The following PGP variants were observed in gnomAD, a reference collection of about 807,000 sequenced individuals.
The protein encoded by PGP is aspartate-based ubiquitous Mg(2+)-dependent phosphatase.
In PGP, 9 loss-of-function variants were observed where a neutral mutation model predicts 19.3. That is an observed-to-expected ratio of 0.47 (90% confidence interval 0.28 to 0.81). The LOEUF (loss-of-function observed/expected upper bound fraction) is 0.81. Ranked by LOEUF, PGP falls within the 40% of genes least tolerant of loss-of-function variation. The pLI is 0.11. For missense variants in PGP, 403 were observed against 479.9 expected (o/e 0.84, Z 1.50); for synonymous variants, 308 against 226.8 (o/e 1.36, Z -3.22).
At position 2,211,731 on chromosome 16, in the gene PGP, G is replaced by T; in HGVS notation, c.*1997C>A. 2.0e-6 allele frequency: 2 copies of T among 985,526 alleles called. No homozygotes were observed. The highest frequency in any genetic ancestry group is 2.4e-6 in the Non-Finnish European group (2 of 829,988). 61.0% of individuals were successfully genotyped at this position (985,526 alleles called of 1,614,324 possible). A position where few individuals can be genotyped will look rare whatever the true frequency, so the allele number is the denominator to read the frequency against. ...CTGCGCCCGGGCCAGCATTACTTCTGAGCTCTGCTCCCTGCCCTGGGCGCT... is the reference window on the plus strand; with the variant it reads ...CTGCGCCCGGGCCAGCATTACTTCTTAGCTCTGCTCCCTGCCCTGGGCGCT... On this transcript the variant is annotated 3_prime_UTR_variant, in exon 2 of 2. Coordinates refer to ENST00000333503, the MANE Select transcript of PGP (RefSeq NM_001042371.3).
chr16:2,212,164 C>T lies in PGP; in HGVS notation c.*1564G>A, dbSNP rs546835026. On this transcript the variant is annotated 3_prime_UTR_variant, in exon 2 of 2. Transcript: ENST00000333503. Reference sequence around the variant, plus strand: ...TGACTGCACCCTGTCAGGCCAGACCCGGCTTGAGCCAACTTAGCCAAGCCA... The same window carrying T: ...TGACTGCACCCTGTCAGGCCAGACCTGGCTTGAGCCAACTTAGCCAAGCCA... 52 of 985,732 alleles carry T rather than the reference C, an allele frequency of 5.3e-5. No individual in the cohort carries two copies. Among genetic ancestry groups the T allele is most frequent in the Admixed American group, 4.3e-4 (7 of 16,296 alleles). The allele number at this position is 985,732 out of a possible 1,614,324, so 61.1% of individuals were successfully genotyped here.
chr16:2,211,853 T>C lies in PGP; in HGVS notation c.*1875A>G. Reference sequence around the variant, plus strand: ...CCTCATTCTTCAAAACATCTTCCTCTGAACCAGGCTGGGAGTGGGCAGTTG... The same window carrying C: ...CCTCATTCTTCAAAACATCTTCCTCCGAACCAGGCTGGGAGTGGGCAGTTG... On this transcript the variant is annotated 3_prime_UTR_variant, in exon 2 of 2. Transcript: ENST00000333503. 1 of 985,558 alleles carries C rather than the reference T, an allele frequency of 1.0e-6. No homozygotes were observed. Among genetic ancestry groups the C allele is most frequent in the Non-Finnish European group, 1.2e-6 (1 of 829,974 alleles). 61.1% of individuals were successfully genotyped at this position (985,558 alleles called of 1,614,324 possible).
In PGP at chr16:2,213,988, G is replaced by C. The variant is rs2093381787; in HGVS notation, c.706C>G (p.Pro236Ala). The change falls in exon 2 of 2, where the codon CCC becomes GCC. Residue 236 changes from proline to alanine, a missense_variant. Transcript: ENST00000333503. The stretch of plus-strand genomic sequence containing the variant: ...ACGCAGTCGAAAATGAAGCGGCTGG[G>C]CTTCCCGATGATGTCGGCCTGGCGC... ...AQRQADIIGK[P>A]SRFIFDCVSQ... 6.2e-7 allele frequency: 1 copy of C among 1,608,876 alleles called. No homozygotes were observed. Among genetic ancestry groups the C allele is most frequent in the Non-Finnish European group, 8.5e-7 (1 of 1,176,862 alleles).
At position 2,213,874 on chromosome 16, in the gene PGP, G is replaced by T; in HGVS notation, c.820C>A (p.Leu274Met). The T allele has an allele frequency of 6.2e-7, 1 of 1,613,174 alleles. No homozygotes were observed. The highest frequency in any genetic ancestry group is 8.5e-7 in the Non-Finnish European group (1 of 1,179,406). The part of the protein sequence containing the change: ...TDILLGATCG[L>M]KTILTLTGVS... ...CCGGTGAGGGTCAGGATGGTCTTCA[G>T]GCCACAGGTGGCGCCTAGGAGGATG... is the stretch of plus-strand genomic sequence containing the variant. Residue 274 changes from leucine to methionine, a missense_variant, in exon 2 of 2, where the codon CTG becomes ATG. By Grantham distance (15) the Leu-to-Met change is conservative (BLOSUM62 2). Coordinates refer to ENST00000333503, the MANE Select transcript of PGP (RefSeq NM_001042371.3).
Position 2,213,726 on chromosome 16 carries a change from C to G in PGP, c.*2G>C, listed in dbSNP as rs770309983. Reference sequence around the variant, plus strand: ...ATTCTGCAGATTAAAGACACTCAATCTTTAACCTTGAAGGGCAGGCAAAAG... The same window carrying G: ...ATTCTGCAGATTAAAGACACTCAATGTTTAACCTTGAAGGGCAGGCAAAAG... On this transcript the variant is annotated 3_prime_UTR_variant, in exon 2 of 2. Coordinates refer to ENST00000333503, the MANE Select transcript of PGP (RefSeq NM_001042371.3). 108 of 1,519,412 alleles carry G rather than the reference C, an allele frequency of 7.1e-5. No homozygotes were observed. Among genetic ancestry groups the G allele is most frequent in the Non-Finnish European group, 9.0e-5 (102 of 1,132,426 alleles). The allele number at this position is 1,519,412 out of a possible 1,614,324, so 94.1% of individuals were successfully genotyped here.
rs116977380 is a variant in PGP at position 2,213,835 on chromosome 16, C to T, written c.859G>A (p.Gly287Arg). 0.034 allele frequency: 54,207 copies of T among 1,611,694 alleles called. 1,145 individuals are homozygous for T. Among genetic ancestry groups the T allele is most frequent in the Non-Finnish European group, 0.039 (45,408 of 1,178,168 alleles). ...CTTTCCTGATTATTCTTCACATCCC[C>T]TAGAGTGGAGACTCCGGTGAGGGTC... ...ILTLTGVSTL[G>R]DVKNNQESDC... Residue 287 changes from glycine to arginine, a missense_variant, in exon 2 of 2, where the codon GGG becomes AGG. Physicochemically the swap from Gly to Arg is moderately radical, Grantham distance 125. Coordinates refer to ENST00000333503, the MANE Select transcript of PGP (RefSeq NM_001042371.3).
Position 2,213,106 on chromosome 16 carries a change from A to G in PGP, c.*622T>C, listed in dbSNP as rs2093379488. On this transcript the variant is annotated 3_prime_UTR_variant, in exon 2 of 2. Transcript: ENST00000333503. Reference sequence around the variant, plus strand: ...GCCCTGGGTATCTGAAACGGAACAGACACTCAGTTGTGACATCAGAGTGGT... The same window carrying G: ...GCCCTGGGTATCTGAAACGGAACAGGCACTCAGTTGTGACATCAGAGTGGT... The G allele has an allele frequency of 6.1e-6, 6 of 985,552 alleles. No homozygotes were observed. Among genetic ancestry groups the G allele is most frequent in the Non-Finnish European group, 6.0e-6 (5 of 829,964 alleles). 61.1% of individuals were successfully genotyped at this position (985,552 alleles called of 1,614,324 possible).
Position 2,212,221 on chromosome 16 carries a change from C to T in PGP, c.*1507G>A, listed in dbSNP as rs1398543861. The T allele has an allele frequency of 1.0e-6, 1 of 985,750 alleles. No homozygotes were observed. The highest frequency in any genetic ancestry group is 1.2e-6 in the Non-Finnish European group (1 of 830,028). 61.1% of individuals were successfully genotyped at this position (985,750 alleles called of 1,614,324 possible). On this transcript the variant is annotated 3_prime_UTR_variant, in exon 2 of 2. Coordinates refer to ENST00000333503, the MANE Select transcript of PGP (RefSeq NM_001042371.3). ...GTGTCACCAGCCTCATGGGTGGAGC[C>T]ACCCTCATGCTGCTCTGCAGCACCC...
chr16:2,212,453 G>A lies in PGP; in HGVS notation c.*1275C>T. The stretch of plus-strand genomic sequence containing the variant: ...TGAGTCTGCTGTCAGGCCTGTGAAA[G>A]GTCAGCAGAGCCAAGGAGCAGGCAG... On this transcript the variant is annotated 3_prime_UTR_variant, in exon 2 of 2. Coordinates refer to ENST00000333503, the MANE Select transcript of PGP (RefSeq NM_001042371.3). 1 of 985,742 alleles carries A rather than the reference G, an allele frequency of 1.0e-6. No homozygotes were observed. The highest frequency in any genetic ancestry group is 1.2e-6 in the Non-Finnish European group (1 of 830,032). 61.1% of individuals were successfully genotyped at this position (985,742 alleles called of 1,614,324 possible).
chr16:2,212,130 C>T lies in PGP; in HGVS notation c.*1598G>A. On this transcript the variant is annotated 3_prime_UTR_variant, in exon 2 of 2. Transcript: ENST00000333503. Reference sequence around the variant, plus strand: ...TCACTGAGGCTGCATCTGCCATGCGCTCCTGGTGTGACTGCACCCTGTCAG... The same window carrying T: ...TCACTGAGGCTGCATCTGCCATGCGTTCCTGGTGTGACTGCACCCTGTCAG... The T allele has an allele frequency of 1.0e-6, 1 of 985,660 alleles. No individual in the cohort carries two copies. The highest frequency in any genetic ancestry group is 1.2e-6 in the Non-Finnish European group (1 of 829,950). The allele number at this position is 985,660 out of a possible 1,614,324, so 61.1% of individuals were successfully genotyped here.
chr16:2,214,694 C>T lies in PGP; in HGVS notation c.84G>A (p.Val28=), dbSNP rs1372187749. The change falls in exon 1 of 2, where the codon GTG becomes GTA. Residue 28 remains valine, a synonymous_variant. Transcript: ENST00000333503. This position sits in a 1 kb window ranked among gnomAD's most constrained non-coding sequence, Gnocchi z 7.1. ...AERAQALLAD[V]DTLLFDCDGV... ...CGTCGCAGTCGAACAGCAGCGTGTCCACGTCGGCCAGCAGCGCCTGTGCCC... is the reference window on the plus strand; with the variant it reads ...CGTCGCAGTCGAACAGCAGCGTGTCTACGTCGGCCAGCAGCGCCTGTGCCC... 7.1e-7 allele frequency: 1 copy of T among 1,408,060 alleles called. No homozygotes were observed. The highest frequency in any genetic ancestry group is 2.7e-5 in the Admixed American group (1 of 37,116). 87.2% of individuals were successfully genotyped at this position (1,408,060 alleles called of 1,614,324 possible).
Position 2,214,569 on chromosome 16 carries a change from CTGT to C in PGP, c.206_208del (p.Asn69del). 1 of 1,471,836 alleles carries C rather than the reference CTGT, an allele frequency of 6.8e-7. No individual in the cohort carries two copies. The highest frequency in any genetic ancestry group is 9.0e-7 in the Non-Finnish European group (1 of 1,115,692). 91.2% of individuals were successfully genotyped at this position (1,471,836 alleles called of 1,614,324 possible). On this transcript the variant is annotated inframe_deletion, in exon 1 of 2. Coordinates refer to ENST00000333503, the MANE Select transcript of PGP (RefSeq NM_001042371.3). The surrounding 1 kb of genome is among the most constrained non-coding windows in gnomAD (Gnocchi z 7.1). ...GGCGTAGGCAGCGCGGGTCTTGCTG[CTGT>C]TGTTGGTGATGAAGCCCAGGCGCTT...
chr16:2,211,965 G>A lies in PGP; in HGVS notation c.*1763C>T, dbSNP rs749012193. 6.1e-6 allele frequency: 6 copies of A among 985,460 alleles called. No homozygotes were observed. The highest frequency in any genetic ancestry group is 4.7e-5 in the South Asian group (1 of 21,300). The allele number at this position is 985,460 out of a possible 1,614,324, so 61.0% of individuals were successfully genotyped here. On this transcript the variant is annotated 3_prime_UTR_variant, in exon 2 of 2. Coordinates refer to ENST00000333503, the MANE Select transcript of PGP (RefSeq NM_001042371.3). ...GTGAGACGGCATCACCCGGGCCAAT[G>A]CAAGGTGAGAGCAAGGACACCTGAG...
rs2093376269 is a variant in PGP at position 2,211,887 on chromosome 16, G to C, written c.*1841C>G. The C allele has an allele frequency of 2.0e-6, 2 of 985,488 alleles. No individual in the cohort carries two copies. Among genetic ancestry groups the C allele is most frequent in the Non-Finnish European group, 2.4e-6 (2 of 829,962 alleles). 61.0% of individuals were successfully genotyped at this position (985,488 alleles called of 1,614,324 possible). ...CTGGGAGTGGGCAGTTGGCATTCCA[G>C]CTCTGGAGTTGGAACCCCAGTTACC... On this transcript the variant is annotated 3_prime_UTR_variant, in exon 2 of 2. Coordinates refer to ENST00000333503, the MANE Select transcript of PGP (RefSeq NM_001042371.3).
At position 2,214,764 on chromosome 16, in the gene PGP, T is replaced by G. The variant is rs1344237746; in HGVS notation, c.14A>C (p.Glu5Ala). 6.2e-6 allele frequency: 7 copies of G among 1,126,832 alleles called. No individual in the cohort carries two copies. Among genetic ancestry groups the G allele is most frequent in the East Asian group, 4.3e-5 (1 of 23,038 alleles). 69.8% of individuals were successfully genotyped at this position (1,126,832 alleles called of 1,614,324 possible). A position where few individuals can be genotyped will look rare whatever the true frequency, so the allele number is the denominator to read the frequency against. Residue 5 changes from glutamate to alanine, a missense_variant, in exon 1 of 2, where the codon GAG (glutamate) becomes GCG (alanine). Transcript: ENST00000333503. This position sits in a 1 kb window ranked among gnomAD's most constrained non-coding sequence, Gnocchi z 7.1. MAAA[E>A]AGGDDARCVR... ...GCAGCGGGCGTCGTCGCCACCGGCC[T>G]CCGCCGCCGCCATCGCCGCCCGCCG...
chr16:2,212,457 A>G lies in PGP; in HGVS notation c.*1271T>C. Reference sequence around the variant, plus strand: ...TCTGCTGTCAGGCCTGTGAAAGGTCAGCAGAGCCAAGGAGCAGGCAGGAGA... The same window carrying G: ...TCTGCTGTCAGGCCTGTGAAAGGTCGGCAGAGCCAAGGAGCAGGCAGGAGA... On this transcript the variant is annotated 3_prime_UTR_variant, in exon 2 of 2. Coordinates refer to ENST00000333503, the MANE Select transcript of PGP (RefSeq NM_001042371.3). The G allele has an allele frequency of 1.0e-6, 1 of 985,704 alleles. No homozygotes were observed. The highest frequency in any genetic ancestry group is 1.7e-5 in the African/African-American group (1 of 57,380). 61.1% of individuals were successfully genotyped at this position (985,704 alleles called of 1,614,324 possible).
chr16:2,213,731 A>T lies in PGP; in HGVS notation c.963T>A (p.Gly321=). ...SIADLLPALQ[G] Reference sequence around the variant, plus strand: ...GCAGATTAAAGACACTCAATCTTTAACCTTGAAGGGCAGGCAAAAGGTCGG... The same window carrying T: ...GCAGATTAAAGACACTCAATCTTTATCCTTGAAGGGCAGGCAAAAGGTCGG... Residue 321 remains glycine, a synonymous_variant, in exon 2 of 2, where the codon GGT becomes GGA. Coordinates refer to ENST00000333503, the MANE Select transcript of PGP (RefSeq NM_001042371.3). The T allele has an allele frequency of 1.3e-6, 2 of 1,525,276 alleles. No individual in the cohort carries two copies. The highest frequency in any genetic ancestry group is 2.5e-5 in the South Asian group (2 of 78,824). The allele number at this position is 1,525,276 out of a possible 1,614,324, so 94.5% of individuals were successfully genotyped here. A position where few individuals can be genotyped will look rare whatever the true frequency, so the allele number is the denominator to read the frequency against.
Position 2,214,647 on chromosome 16 carries a change from G to A in PGP, c.131C>T (p.Thr44Ile). 2 of 1,445,884 alleles carry A rather than the reference G, an allele frequency of 1.4e-6. No individual in the cohort carries two copies. The highest frequency in any genetic ancestry group is 1.8e-6 in the Non-Finnish European group (2 of 1,101,624). 89.6% of individuals were successfully genotyped at this position (1,445,884 alleles called of 1,614,324 possible). ...DCDGVLWRGE[T>I]AVPGAPEALR... ...GGCCTCGGGCGCGCCAGGCACGGCG[G>A]TCTCCCCGCGCCACAGCACGCCGTC... The change falls in exon 1 of 2, where the codon ACC becomes ATC. Residue 44 changes from threonine to isoleucine, a missense_variant. Coordinates refer to ENST00000333503, the MANE Select transcript of PGP (RefSeq NM_001042371.3). The surrounding 1 kb of genome is among the most constrained non-coding windows in gnomAD (Gnocchi z 7.1).
Position 2,214,789 on chromosome 16 carries a change from G to C in PGP, c.-12C>G. On this transcript the variant is annotated 5_prime_UTR_variant, in exon 1 of 2. Coordinates refer to ENST00000333503, the MANE Select transcript of PGP (RefSeq NM_001042371.3). The surrounding 1 kb of genome is among the most constrained non-coding windows in gnomAD (Gnocchi z 7.1). ...TCCGCCGCCGCCATCGCCGCCCGCCGGCCGCCGCCGCCCGCCGGCCGCTCC... is the reference window on the plus strand; with the variant it reads ...TCCGCCGCCGCCATCGCCGCCCGCCCGCCGCCGCCGCCCGCCGGCCGCTCC... 2 of 928,474 alleles carry C rather than the reference G, an allele frequency of 2.2e-6. No individual in the cohort carries two copies. The highest frequency in any genetic ancestry group is 2.6e-6 in the Non-Finnish European group (2 of 777,988). The allele number at this position is 928,474 out of a possible 1,614,324, so 57.5% of individuals were successfully genotyped here. A position where few individuals can be genotyped will look rare whatever the true frequency, so the allele number is the denominator to read the frequency against.
Sources: allele counts gnomAD v4.1 joint callset, GRCh38; gene constraint gnomAD v4.1.1; non-coding constraint Gnocchi (gnomAD v3.1); transcripts MANE v1.5; gene names NCBI Gene and HGNC (gene_info 2026-07-23, HGNC 2026-07-21).